The following LHFPL3 variants were observed in gnomAD, a reference collection of about 807,000 sequenced individuals.
The protein encoded by LHFPL3 is LHFPL tetraspan subfamily member 3 protein.
LHFPL3 carries 5 observed loss-of-function variants against 19.3 expected under a neutral mutation model. That is an observed-to-expected ratio of 0.26 (90% CI 0.14 to 0.54). The LOEUF (loss-of-function observed/expected upper bound fraction) is 0.54, where lower values mean the gene tolerates loss of function less well. LHFPL3 is among the 20% of genes least tolerant of loss of function. The pLI is 0.94. For missense variants in LHFPL3, 249 were observed against 307.4 expected (o/e 0.81, Z 1.42); for synonymous variants, 133 against 126.2 (o/e 1.05, Z -0.36).
At chr7:104,721,320 T>G (rs1212802333) in intron 1 of LHFPL3, among the ~76,000 whole-genome samples, 2 of 152,016 alleles carry the variant, frequency 1.3e-5, no homozygotes, top group African/African-American at 4.8e-5. Context: ...CTCTCCCTCA[T>G]AGGTGGGAAC....
At chr7:104,459,667 C>T (rs960031239) in intron 1 of LHFPL3, among the ~76,000 whole-genome samples, 1 of 152,164 alleles carries the variant, frequency 6.6e-6, no homozygotes, top group African/African-American at 2.4e-5. Flanking sequence ...GGGACCTCTT[C>T]GTAACAGGCA....
intron 1 of LHFPL3, among the ~76,000 whole-genome samples, chr7:104,719,793 G>A (rs556682301): frequency 6.6e-6 from 1 of 152,252 alleles, no homozygotes; most frequent in South Asian, 2.1e-4. Context: ...GATAATAAAA[G>A]CATAGATTCC....
At chr7:104,474,417 C>T (rs1792967443) in intron 1 of LHFPL3, among the ~76,000 whole-genome samples, 1 of 151,978 alleles carries the variant, frequency 6.6e-6, no homozygotes, top group Non-Finnish European at 1.5e-5. Context: ...GTAATCCCAG[C>T]ACTTTGGGAG....
At chr7:104,368,775 A>AG (rs11454011) in intron 1 of LHFPL3, among the ~76,000 whole-genome samples, 152,334 of 152,334 alleles carry the variant, frequency 1, 76,167 homozygotes, top group Non-Finnish European at 1. Flanking sequence ...CTGCCCTATG[A>AG]GGCATGGCCA....
intron 2 of LHFPL3, among the ~76,000 whole-genome samples, chr7:104,772,055 G>A (rs1053895354): frequency 3.3e-5 from 5 of 151,792 alleles, no homozygotes; most frequent in Non-Finnish European, 7.4e-5. Flanking sequence ...TCTTGACCTC[G>A]TGATTGCCTG....
chr7:104,456,062 C>T (rs1250627364), intron 1 of LHFPL3, among the ~76,000 whole-genome samples: 1 of 152,118 alleles, frequency 6.6e-6, no homozygotes, highest in African/African-American at 2.4e-5. Context: ...AGTTAGTTTT[C>T]AGTGAGTTGA....
intron 1 of LHFPL3, among the ~76,000 whole-genome samples, chr7:104,350,346 T>C (rs1218324810): frequency 3.9e-5 from 6 of 152,168 alleles, no homozygotes; most frequent in Admixed American, 2.6e-4. Flanking sequence ...AGAGAAGCAA[T>C]GAAGCCAGTC....
At chr7:104,379,998 A>G (rs1301456395) in intron 1 of LHFPL3, among the ~76,000 whole-genome samples, 1 of 152,170 alleles carries the variant, frequency 6.6e-6, no homozygotes, top group South Asian at 2.1e-4. Context: ...ACACTTGTTT[A>G]TATTGTAAAG....
chr7:104,809,917 A>G (rs1790433965), intron 2 of LHFPL3, among the ~76,000 whole-genome samples: 1 of 152,258 alleles, frequency 6.6e-6, no homozygotes. Flanking sequence ...ATAGTCTATA[A>G]GAAAGCAGTA....
At chr7:104,808,915 T>A (rs989049265) in intron 2 of LHFPL3, among the ~76,000 whole-genome samples, 4 of 82,542 alleles carry the variant, frequency 4.8e-5, no homozygotes, top group South Asian at 3.5e-4. Flanking sequence ...TTTTTTTTTT[T>A]AGGTGGAGTC....
intron 1 of LHFPL3, among the ~76,000 whole-genome samples, chr7:104,542,875 T>C (rs552635399): frequency 5.0e-4 from 76 of 152,220 alleles, no homozygotes; most frequent in African/African-American, 1.8e-3. Context: ...CAGCACTATT[T>C]ACAATAGCAA....
intron 1 of LHFPL3, among the ~76,000 whole-genome samples, chr7:104,605,112 G>T (rs1160061107): frequency 2.0e-5 from 3 of 152,124 alleles, no homozygotes; most frequent in East Asian, 3.9e-4. Context: ...GGTGATCTAG[G>T]TTTATGTAGT....
intron 1 of LHFPL3, among the ~76,000 whole-genome samples, chr7:104,400,561 C>G (rs933569058): frequency 1.3e-5 from 2 of 152,070 alleles, no homozygotes; most frequent in Non-Finnish European, 2.9e-5. Flanking sequence ...GTAATTCATG[C>G]CCAATATTTC....
intron 2 of LHFPL3, chr7:104,800,203 A>T (rs1790217775): frequency 6.6e-6 from 1 of 152,210 alleles, no homozygotes; most frequent in South Asian, 2.1e-4. Context: ...TTTACATCTC[A>T]GCTTGCCTAA....
At position 104,824,551 on chromosome 7, in the gene LHFPL3, A is replaced by T. The variant is rs1194235181; in HGVS notation, c.683-81636A>T. On this transcript the variant is annotated intron_variant, in intron 2 of 2. Transcript: ENST00000424859. ...ATATATAATATATATAATTATATAT[A>T]ATATATAATTATATATATTATTTTA... 4.3e-3 allele frequency among the ~76,000 whole-genome samples: 305 copies of T among 71,602 alleles called. 1 individual carries two copies. Among genetic ancestry groups the T allele is most frequent in the Non-Finnish European group, 6.4e-3 (267 of 41,802 alleles). The allele number at this position is 71,602 out of a possible 152,430, so 47.0% of individuals were successfully genotyped here. A position where few individuals can be genotyped will look rare whatever the true frequency, so the allele number is the denominator to read the frequency against.
chr7:104,461,580 A>G (rs1264455604), intron 1 of LHFPL3, among the ~76,000 whole-genome samples: 1 of 152,168 alleles, frequency 6.6e-6, no homozygotes. Context: ...TTTTTATACC[A>G]GTAACCATGT....
rs71153196 is a variant in LHFPL3 at position 104,424,983 on chromosome 7, T to TAAAAA, written c.445+95777_445+95781dup. On this transcript the variant is annotated intron_variant, in intron 1 of 2. Transcript: ENST00000424859. ...GGCGACAGAGTGAGACTCCATCTCA[T>TAAAAA]AAAAAAAAAAAAAAAAAAAAAAGAA... Among the ~76,000 whole-genome samples, 19 of 65,142 alleles carry TAAAAA rather than the reference T, an allele frequency of 2.9e-4. 1 individual carries two copies. Among genetic ancestry groups the TAAAAA allele is most frequent in the African/African-American group, 1.1e-3 (17 of 15,262 alleles). The allele number at this position is 65,142 out of a possible 152,430, so 42.7% of individuals were successfully genotyped here.
chr7:104,600,352 A>G (rs552127544), intron 1 of LHFPL3, among the ~76,000 whole-genome samples: 1 of 152,182 alleles, frequency 6.6e-6, no homozygotes, highest in Non-Finnish European at 1.5e-5. Flanking sequence ...AACCCTCAGG[A>G]GCAAAAGGAA....
intron 1 of LHFPL3, among the ~76,000 whole-genome samples, chr7:104,619,419 A>G (rs554812719): frequency 6.6e-6 from 1 of 152,298 alleles, no homozygotes; most frequent in Non-Finnish European, 1.5e-5. Context: ...TTGCAATTAT[A>G]ATCCCTTTTT....
Sources: gnomAD v4.1 joint callset for allele counts (sites outside exome capture counted in the v4.1 genomes callset) on GRCh38, gnomAD v4.1.1 for gene constraint, MANE v1.5 for transcripts, NCBI Gene and HGNC (gene_info 2026-07-23, HGNC 2026-07-21) for gene names.